The following ITPRID1 variants were observed in gnomAD, a reference collection of about 807,000 sequenced individuals.
ITPRID1 encodes the protein protein ITPRID1.
ITPRID1 carries 96 observed loss-of-function variants against 95.4 expected under a neutral mutation model. The observed-to-expected ratio is 1.01, with a 90% confidence interval of 0.85 to 1.19. ITPRID1 has a LOEUF of 1.19. Ranked by LOEUF, ITPRID1 falls within the 50% of genes most tolerant of loss-of-function variation. The pLI, the probability that ITPRID1 is intolerant of heterozygous loss-of-function variation, is 0.00. For synonymous variants in ITPRID1, 510 were observed against 453.6 expected (o/e 1.12, Z -1.58); for missense variants, 1,339 against 1,252.9 (o/e 1.07, Z -1.04).
chr7:31,558,697 C>T (rs1784532632), intron 5 of ITPRID1, among the ~76,000 whole-genome samples: 1 of 152,132 alleles, frequency 6.6e-6, no homozygotes, highest in African/African-American at 2.4e-5. Flanking sequence ...TTTTCACCCT[C>T]AATAAGAGAT....
intron 1 of ITPRID1, among the ~76,000 whole-genome samples, chr7:31,515,019 T>C (rs1423326486): frequency 2.0e-5 from 3 of 152,028 alleles, no homozygotes; most frequent in South Asian, 2.1e-4. Flanking sequence ...TTTAGGGGAA[T>C]TGACAGAAGA....
In ITPRID1 at chr7:31,643,681, A is replaced by T. The variant is rs777566575; in HGVS notation, c.2311A>T (p.Thr771Ser). 1 of 1,613,988 alleles carries T rather than the reference A, an allele frequency of 6.2e-7. No homozygotes were observed. The highest frequency in any genetic ancestry group is 1.1e-5 in the South Asian group (1 of 91,082). Reference sequence around the variant, plus strand: ...TCAGACTTCAGCTCTAAGCAACAAGACCTTGACACATGGGCCCCAGCCCCT... The same window carrying T: ...TCAGACTTCAGCTCTAAGCAACAAGTCCTTGACACATGGGCCCCAGCCCCT... The part of the protein sequence containing the change: ...SIQTSALSNK[T>S]LTHGPQPLTK... Residue 771 changes from threonine (T) to serine (S), a missense_variant, in exon 12 of 15, where the codon ACC becomes TCC. Thr to Ser is a moderately conservative substitution (Grantham distance 58). Coordinates refer to ENST00000615280, the MANE Select transcript of ITPRID1 (RefSeq NM_001257967.3).
At chr7:31,634,454 C>A (rs2128198774) in intron 10 of ITPRID1, among the ~76,000 whole-genome samples, 1 of 152,148 alleles carries the variant, frequency 6.6e-6, no homozygotes, top group South Asian at 2.1e-4. Context: ...CATAGTATTA[C>A]CATATTCATT....
At chr7:31,587,314 CA>C (rs1785658998) in intron 10 of ITPRID1, among the ~76,000 whole-genome samples, 1 of 151,806 alleles carries the variant, frequency 6.6e-6, no homozygotes, top group African/African-American at 2.4e-5. Context: ...AATCAGTGTA[CA>C]AAAATCACAA....
intron 10 of ITPRID1, among the ~76,000 whole-genome samples, chr7:31,619,876 C>T (rs1175017450): frequency 6.6e-6 from 1 of 152,178 alleles, no homozygotes; most frequent in African/African-American, 2.4e-5. Flanking sequence ...TGACAGATGG[C>T]ACCTGGAAAA....
At chr7:31,526,525 TA>T (rs1783425862) in intron 1 of ITPRID1, among the ~76,000 whole-genome samples, 1 of 152,214 alleles carries the variant, frequency 6.6e-6, no homozygotes, top group Admixed American at 6.5e-5. Flanking sequence ...GAAAATGTTG[TA>T]AGACTTTAAC....
At chr7:31,628,455 T>C (rs564804951) in intron 10 of ITPRID1, among the ~76,000 whole-genome samples, 1 of 149,562 alleles carries the variant, frequency 6.7e-6, no homozygotes, top group Non-Finnish European at 1.5e-5. Context: ...TTCCTTTTTT[T>C]TTTTTCTTTT....
chr7:31,655,634 T>G lies in ITPRID1; in HGVS notation c.*2805T>G. ...GAGTTATTATGCGCCTCTCGTCGCC[T>G]CCCACTGCATCATCCCTTTTTGCCA... On this transcript the variant is annotated 3_prime_UTR_variant, in exon 15 of 15. Coordinates refer to ENST00000615280, the MANE Select transcript of ITPRID1 (RefSeq NM_001257967.3). 1 of 565,572 alleles carries G rather than the reference T, an allele frequency of 1.8e-6. No individual in the cohort carries two copies. Among genetic ancestry groups the G allele is most frequent in the Non-Finnish European group, 2.2e-6 (1 of 445,858 alleles). 35.0% of individuals were successfully genotyped at this position (565,572 alleles called of 1,614,324 possible).
intron 1 of ITPRID1, among the ~76,000 whole-genome samples, chr7:31,537,918 T>C (rs938034690): frequency 1.3e-5 from 2 of 152,294 alleles, no homozygotes; most frequent in Admixed American, 1.3e-4. Context: ...TGTAACAAAA[T>C]ATTCCAGACA....
chr7:31,571,084 A>G (rs902433464), intron 6 of ITPRID1, among the ~76,000 whole-genome samples: 1 of 151,974 alleles, frequency 6.6e-6, no homozygotes, highest in Non-Finnish European at 1.5e-5. Flanking sequence ...GCTAGAGTGC[A>G]GTTGCGCCAT....
intron 10 of ITPRID1, among the ~76,000 whole-genome samples, chr7:31,624,226 C>T (rs1222692794): frequency 3.4e-5 from 5 of 146,338 alleles, no homozygotes; most frequent in Non-Finnish European, 6.1e-5. Flanking sequence ...AATGCCATCC[C>T]CATCAAGCTA....
intron 10 of ITPRID1, among the ~76,000 whole-genome samples, chr7:31,592,844 A>G (rs1785925616): frequency 6.6e-6 from 1 of 152,228 alleles, no homozygotes; most frequent in African/African-American, 2.4e-5. Context: ...AACTCAAGTA[A>G]TAAAACCAAG....
intron 10 of ITPRID1, among the ~76,000 whole-genome samples, chr7:31,610,333 A>C (rs1371559287): frequency 6.6e-6 from 1 of 151,788 alleles, no homozygotes; most frequent in African/African-American, 2.4e-5. Context: ...CATACTAGAA[A>C]ATACCTATTT....
intron 1 of ITPRID1, among the ~76,000 whole-genome samples, chr7:31,545,072 T>C (rs990778491): frequency 1.3e-5 from 2 of 152,118 alleles, no homozygotes; most frequent in Admixed American, 1.3e-4. Context: ...GTGAAGAGGC[T>C]ACAGTAAGGG....
At chr7:31,585,166 C>T (rs893450912) in intron 10 of ITPRID1, among the ~76,000 whole-genome samples, 2 of 152,182 alleles carry the variant, frequency 1.3e-5, no homozygotes, top group African/African-American at 4.8e-5. Context: ...AGAAACCACA[C>T]CGAGCTGGCC....
intron 10 of ITPRID1, among the ~76,000 whole-genome samples, chr7:31,618,324 G>C (rs938083527): frequency 6.7e-6 from 1 of 149,206 alleles, no homozygotes; most frequent in African/African-American, 2.5e-5. Flanking sequence ...AAAATCCAAA[G>C]GGGGCAAATT....
chr7:31,591,162 T>C (rs1412097067), intron 10 of ITPRID1, among the ~76,000 whole-genome samples: 3 of 152,226 alleles, frequency 2.0e-5, no homozygotes, highest in African/African-American at 4.8e-5. Context: ...TCATCAATTA[T>C]AAGATGAATG....
intron 12 of ITPRID1, among the ~76,000 whole-genome samples, chr7:31,645,210 C>T (rs1185737135): frequency 1.3e-5 from 2 of 152,124 alleles, no homozygotes; most frequent in African/African-American, 4.8e-5. Context: ...ATATCTAAAT[C>T]TATGTAAGTG....
chr7:31,636,887 C>T (rs1483108468), intron 10 of ITPRID1, among the ~76,000 whole-genome samples: 8 of 108,186 alleles, frequency 7.4e-5, no homozygotes, highest in South Asian at 4.3e-4. Context: ...CCTCCCCCCT[C>T]CCCCCACCCG....
Sources: allele counts gnomAD v4.1 joint callset (sites outside exome capture counted in the v4.1 genomes callset), GRCh38; gene constraint gnomAD v4.1.1; transcripts MANE v1.5; gene names NCBI Gene and HGNC (gene_info 2026-07-23, HGNC 2026-07-21).